Variants in HERC2 observed in about 807,000 individuals in gnomAD.
HERC2 encodes the protein HECT and RLD domain containing E3 ubiquitin protein ligase 2, also known as E3 ubiquitin-protein ligase HERC2.
In HERC2, 102 loss-of-function variants were observed where a neutral mutation model predicts 537.7. That is an observed-to-expected ratio of 0.19 (90% CI 0.16 to 0.22). The LOEUF (loss-of-function observed/expected upper bound fraction) is 0.22. Ranked by LOEUF, HERC2 falls within the 10% of genes least tolerant of loss-of-function variation. HERC2 has a pLI of 1.00. For synonymous variants in HERC2, 2,224 were observed against 2,466.2 expected (o/e 0.90, Z 2.91); for missense variants, 4,236 against 6,198.2 (o/e 0.68, Z 10.63).
intron 69 of HERC2, among the ~76,000 whole-genome samples, chr15:28,157,314 G>GA (rs1893109261): frequency 6.6e-6 from 1 of 152,186 alleles, no homozygotes; most frequent in Non-Finnish European, 1.5e-5. Context: ...GTTTCAGAAG[G>GA]AATGGTACCA....
intron 2 of HERC2, chr15:28,315,737 CA>C: frequency 7.5e-7 from 1 of 1,330,594 alleles, no homozygotes; most frequent in Non-Finnish European, 1.0e-6. Flanking sequence ...GGCTGAAGCG[CA>C]AAAGAAGAAA....
intron 35 of HERC2, among the ~76,000 whole-genome samples, chr15:28,224,581 T>C (rs1412913117): frequency 1.3e-5 from 2 of 152,154 alleles, no homozygotes; most frequent in Non-Finnish European, 2.9e-5. Context: ...AAACCTTGCT[T>C]TTTCACTGTG....
chr15:28,254,927 A>C (rs1349811834), intron 19 of HERC2, among the ~76,000 whole-genome samples: 1 of 152,216 alleles, frequency 6.6e-6, no homozygotes, highest in Non-Finnish European at 1.5e-5. Context: ...GGAAACTATG[A>C]ACACGCACCT....
At position 28,150,567 on chromosome 15, in the gene HERC2, G is replaced by A. The variant is rs761037739; in HGVS notation, c.10900+2110C>T. On this transcript the variant is annotated intron_variant, in intron 70 of 92. Transcript: ENST00000261609. ...TGAAATCACCGAAAAAAACACACGC[G>A]GCTTCTAACCAAGAACATCACCGAG... is the stretch of plus-strand genomic sequence containing the variant. Among the ~76,000 whole-genome samples, 7 of 146,482 alleles carry A rather than the reference G, an allele frequency of 4.8e-5. No homozygotes were observed. The South Asian group carries it at 1.1e-3, about 23-fold the overall frequency.
rs567755132 is a variant in HERC2 at position 28,143,724 on chromosome 15, G to A, written c.11418+149C>T. Reference sequence around the variant, plus strand: ...GCCTCCCAAAGTGGTGGCATTACACGCATGAGCCACCGCGCCCGGTCCAAG... The same window carrying A: ...GCCTCCCAAAGTGGTGGCATTACACACATGAGCCACCGCGCCCGGTCCAAG... On this transcript the variant is annotated intron_variant, in intron 74 of 92. Coordinates refer to ENST00000261609, the MANE Select transcript of HERC2 (RefSeq NM_004667.6). 3.9e-4 allele frequency: 358 copies of A among 911,318 alleles called. No individual in the cohort carries two copies. In the African/African-American group the frequency reaches 4.8e-3, roughly 12 times the overall value. The allele number at this position is 911,318 out of a possible 1,614,324, so 56.5% of individuals were successfully genotyped here. A position where few individuals can be genotyped will look rare whatever the true frequency, so the allele number is the denominator to read the frequency against.
chr15:28,123,021 T>C (rs776636405), intron 85 of HERC2, among the ~76,000 whole-genome samples: 1 of 152,226 alleles, frequency 6.6e-6, no homozygotes, highest in Non-Finnish European at 1.5e-5. Context: ...GTTTGCTACT[T>C]TTTATTATTG....
intron 23 of HERC2, 112 bp from the exon 24 acceptor site, chr15:28,238,884 G>A: frequency 1.3e-6 from 1 of 788,676 alleles, no homozygotes; most frequent in Non-Finnish European, 2.3e-6. Flanking sequence ...CAATCACAAT[G>A]GGAGAAATAC....
intron 21 of HERC2, 61 bp from the exon 22 acceptor site, chr15:28,246,958 T>A: frequency 7.1e-7 from 1 of 1,412,600 alleles, no homozygotes; most frequent in Non-Finnish European, 9.9e-7. Flanking sequence ...GTAAACAAAC[T>A]AACTGCTCCA....
At chr15:28,159,414 T>G (rs1232307990) in intron 69 of HERC2, among the ~76,000 whole-genome samples, 1 of 152,234 alleles carries the variant, frequency 6.6e-6, no homozygotes, top group Non-Finnish European at 1.5e-5. Flanking sequence ...AGTCCCATAT[T>G]TCTTGGAGGT....
rs766213017 is a variant in HERC2 at position 28,257,274 on chromosome 15, G to A, written c.2317-13C>T. The A allele has an allele frequency of 3.8e-5, 61 of 1,610,524 alleles. No individual in the cohort carries two copies. In the Middle Eastern group the frequency reaches 4.9e-4, roughly 13 times the overall value. ...ACCAAGCAAAGCTCTAAGAGGAAAC[G>A]CAACAATCTAAAATGAATCTCCAAA... On this transcript the variant is annotated splice_polypyrimidine_tract_variant and intron_variant, in intron 16 of 92. Transcript: ENST00000261609.
At chr15:28,311,234 G>A (rs2076936636) in intron 2 of HERC2, among the ~76,000 whole-genome samples, 1 of 151,826 alleles carries the variant, frequency 6.6e-6, no homozygotes, top group Admixed American at 6.6e-5. Flanking sequence ...GGAGGCCGAG[G>A]TGGGCAGACT....
chr15:28,295,342 G>C (rs976632597), intron 3 of HERC2, among the ~76,000 whole-genome samples: 4 of 142,652 alleles, frequency 2.8e-5, no homozygotes, highest in South Asian at 2.6e-4. Flanking sequence ...GCGGTGGGGG[G>C]GTCACTAACC....
chr15:28,182,377 T>G (rs751888801), intron 57 of HERC2, 24 bp downstream of exon 57: 8 of 1,533,344 alleles, frequency 5.2e-6, no homozygotes, highest in Non-Finnish European at 7.2e-6. Context: ...CCCACCCTGC[T>G]GGGTCCCAGG....
chr15:28,291,909 GAAAAAAAAAAAAAA>G (rs67813649), intron 4 of HERC2, among the ~76,000 whole-genome samples: 2 of 37,944 alleles, frequency 5.3e-5, no homozygotes, highest in Non-Finnish European at 9.6e-5. Context: ...CGTCTCAAAG[GAAAAAAAAAAAAAA>G]AAAAAAAAAA....
At position 28,167,728 on chromosome 15, in the gene HERC2, C is replaced by T; in HGVS notation, c.10513G>A (p.Ala3505Thr). The T allele has an allele frequency of 6.2e-7, 1 of 1,614,180 alleles. No individual in the cohort carries two copies. Among genetic ancestry groups the T allele is most frequent in the South Asian group, 1.1e-5 (1 of 91,082 alleles). The change falls in exon 68 of 93, where the codon GCC (alanine) becomes ACC (threonine). Residue 3505 changes from alanine to threonine, a missense_variant. Around this residue, in one of 27 missense-constraint regions of HERC2, gnomAD observed 356 missense variants for 450.9 expected, o/e 0.79. Transcript: ENST00000261609. The stretch of plus-strand genomic sequence containing the variant: ...ATGGTTTCTGCAATGATGCTTGCGG[C>T]TCCCAGGTCATCCGTCACTGGGATA... ...PFIPVTDDLG[A>T]ASIIAETMTK...
intron 76 of HERC2, 146 bp downstream of exon 76, chr15:28,142,092 T>A (rs1891282122): frequency 2.4e-6 from 2 of 833,456 alleles, no homozygotes; most frequent in Admixed American, 5.7e-5. Context: ...CAGTGTCAGT[T>A]CACTCATTTT....
Position 28,111,072 on chromosome 15 carries a change from A to C in HERC2, c.*691T>G, listed in dbSNP as rs1417040810. The C allele has an allele frequency of 6.6e-6, 1 of 152,242 alleles. No individual in the cohort carries two copies. The highest frequency in any genetic ancestry group is 1.5e-5 in the Non-Finnish European group (1 of 68,040). 9.4% of individuals were successfully genotyped at this position (152,242 alleles called of 1,614,324 possible). On this transcript the variant is annotated 3_prime_UTR_variant, in exon 93 of 93. Coordinates refer to ENST00000261609, the MANE Select transcript of HERC2 (RefSeq NM_004667.6). ...TCAGATGTTTTATTTATAGATAATT[A>C]AAATTTAGGCATATACATGACACAA... is the stretch of plus-strand genomic sequence containing the variant.
chr15:28,237,453 T>TA (rs1902581269), intron 25 of HERC2, among the ~76,000 whole-genome samples: 1 of 152,210 alleles, frequency 6.6e-6, no homozygotes, highest in Non-Finnish European at 1.5e-5. Context: ...GTTACATGCA[T>TA]AAAGAACCCA....
chr15:28,321,296 G>C (rs964597271), intron 2 of HERC2, 66 bp downstream of exon 2: 4 of 657,428 alleles, frequency 6.1e-6, no homozygotes, highest in Non-Finnish European at 1.1e-5. Flanking sequence ...CTAAAAAAAA[G>C]CCTTACACGA....
Sources: allele counts gnomAD v4.1 joint callset (sites outside exome capture counted in the v4.1 genomes callset), GRCh38; gene constraint gnomAD v4.1.1; regional missense constraint gnomAD v4.1.1; transcripts MANE v1.5; gene names NCBI Gene and HGNC (gene_info 2026-07-23, HGNC 2026-07-21).